Variants in NELL1 observed in about 807,000 individuals in gnomAD.
NELL1 encodes the protein neural EGFL like 1.
A neutral mutation model predicts 107.4 loss-of-function variants in NELL1; 76 were observed. That is an observed-to-expected ratio of 0.71 (90% CI 0.59 to 0.86). The LOEUF (loss-of-function observed/expected upper bound fraction) is 0.86, where lower values mean the gene tolerates loss of function less well. NELL1 is among the 40% of genes least tolerant of loss of function. The probability of loss-of-function intolerance (pLI) is 0.00; values close to 1 mark genes in which losing one functional copy is unlikely to be tolerated. For synonymous variants in NELL1, 353 were observed against 341.2 expected (o/e 1.03, Z -0.38); for missense variants, 1,024 against 1,005.5 (o/e 1.02, Z -0.25).
chr11:21,149,933 C>T lies in NELL1; in HGVS notation c.1426+36219C>T, dbSNP rs1014523027. Among the ~76,000 whole-genome samples the T allele has an allele frequency of 1.1e-4, 17 of 152,020 alleles. 1 individual carries two copies. The highest frequency in any genetic ancestry group is 2.9e-5 in the Non-Finnish European group (2 of 68,000). ...CAAAACAGAGTGAAGCTGTAAATAA[C>T]TAGGGTTAGGGAGGGACCATATTAG... On this transcript the variant is annotated intron_variant, in intron 13 of 19. Coordinates refer to ENST00000357134, the MANE Select transcript of NELL1 (RefSeq NM_006157.5).
chr11:21,369,560 C>T (rs1270784595), intron 14 of NELL1, among the ~76,000 whole-genome samples: 3 of 151,722 alleles, frequency 2.0e-5, no homozygotes, highest in African/African-American at 4.8e-5. Context: ...AGGGGTTCTA[C>T]GTATTTGGAA....
intron 5 of NELL1, among the ~76,000 whole-genome samples, chr11:20,903,128 G>A (rs1849914615): frequency 1.3e-5 from 2 of 152,066 alleles, no homozygotes; most frequent in South Asian, 4.1e-4. Flanking sequence ...TACTTTTTCA[G>A]GGTGATAATC....
intron 12 of NELL1, among the ~76,000 whole-genome samples, chr11:21,038,846 AGCAT>A (rs1415591254): frequency 1.3e-5 from 2 of 152,222 alleles, no homozygotes; most frequent in Non-Finnish European, 2.9e-5. Context: ...TATGTCACTA[AGCAT>A]GCTGTTTATT....
intron 13 of NELL1, among the ~76,000 whole-genome samples, chr11:21,125,224 G>A (rs1160550857): frequency 6.6e-6 from 1 of 152,106 alleles, no homozygotes; most frequent in African/African-American, 2.4e-5. Context: ...GAGATACTAA[G>A]GGGAGCCTGA....
At chr11:21,422,926 G>A (rs1852723000) in intron 15 of NELL1, among the ~76,000 whole-genome samples, 1 of 152,094 alleles carries the variant, frequency 6.6e-6, no homozygotes, top group Admixed American at 6.6e-5. Context: ...ACATGATCCA[G>A]CTATGCACTG....
intron 14 of NELL1, among the ~76,000 whole-genome samples, chr11:21,275,638 G>A (rs1171145284): frequency 1.3e-5 from 2 of 152,306 alleles, no homozygotes; most frequent in East Asian, 3.9e-4. Context: ...GAACATCAAT[G>A]CAAAAATCCT....
chr11:21,086,431 T>G (rs1854393244), intron 12 of NELL1, among the ~76,000 whole-genome samples: 1 of 152,152 alleles, frequency 6.6e-6, no homozygotes, highest in African/African-American at 2.4e-5. Context: ...TCTTTACGTG[T>G]GGGGTAGGTA....
chr11:20,773,681 A>G (rs964350514), intron 2 of NELL1: 1 of 151,922 alleles, frequency 6.6e-6, no homozygotes, highest in Admixed American at 6.6e-5. Context: ...TATTTTTAGT[A>G]GAGATGGGGT....
chr11:21,412,630 C>T (rs4471415), intron 15 of NELL1, among the ~76,000 whole-genome samples: 150,433 of 152,248 alleles, frequency 0.99, 74,342 homozygotes, highest in East Asian at 1. Context: ...AGTGTGTCTA[C>T]GGAACATGAA....
chr11:20,786,511 CA>C (rs1230774477), intron 3 of NELL1, among the ~76,000 whole-genome samples: 2 of 152,002 alleles, frequency 1.3e-5, no homozygotes, highest in East Asian at 3.9e-4. Context: ...TTATCTGAGT[CA>C]CAAGACACCA....
At chr11:20,683,813 C>T (rs2133857015) in intron 2 of NELL1, among the ~76,000 whole-genome samples, 1 of 151,880 alleles carries the variant, frequency 6.6e-6, no homozygotes, top group Non-Finnish European at 1.5e-5. Flanking sequence ...ATATTGTTTC[C>T]AACAAGAAGT....
intron 2 of NELL1, among the ~76,000 whole-genome samples, chr11:20,716,782 TC>T (rs1490881481): frequency 2.0e-5 from 3 of 152,244 alleles, no homozygotes; most frequent in Non-Finnish European, 4.4e-5. Flanking sequence ...AGTGTCTATT[TC>T]ATAGTATTGT....
rs541513072 is a variant in NELL1 at position 20,820,948 on chromosome 11, C to G, written c.336-26635C>G. ...TCTCTTTTCTGTTAGATAAACAACT[C>G]AAGTGCAGAAACTTTATTTGGCTTG... On this transcript the variant is annotated intron_variant, in intron 3 of 19. Coordinates refer to ENST00000357134, the MANE Select transcript of NELL1 (RefSeq NM_006157.5). Among the ~76,000 whole-genome samples the G allele has an allele frequency of 1.1e-4, 16 of 152,324 alleles. No individual in the cohort carries two copies. In the South Asian group the frequency reaches 3.3e-3, roughly 32 times the overall value.
chr11:21,135,040 T>C, intron 13 of NELL1, among the ~76,000 whole-genome samples: 1 of 152,310 alleles, frequency 6.6e-6, no homozygotes, highest in Middle Eastern at 3.4e-3. Context: ...GTTACTATTA[T>C]TATAATTTCT....
At chr11:21,120,560 A>G (rs113528977) in intron 13 of NELL1, among the ~76,000 whole-genome samples, 37 of 152,216 alleles carry the variant, frequency 2.4e-4, no homozygotes, top group African/African-American at 8.9e-4. Context: ...GCTGTGTGGC[A>G]GCATTAAGGG....
intron 13 of NELL1, among the ~76,000 whole-genome samples, chr11:21,172,310 GCA>G (rs1403546033): frequency 6.6e-6 from 1 of 151,848 alleles, no homozygotes; most frequent in Non-Finnish European, 1.5e-5. Flanking sequence ...AAGCTTGTTA[GCA>G]CAGAGTGGTT....
At chr11:21,556,981 C>G (rs1316019232) in intron 16 of NELL1, among the ~76,000 whole-genome samples, 7 of 151,856 alleles carry the variant, frequency 4.6e-5, no homozygotes, top group Admixed American at 4.6e-4. Flanking sequence ...GGGTGAATAA[C>G]TTTGTGTTTG....
At chr11:21,229,947 A>T (rs1857999498) in intron 14 of NELL1, among the ~76,000 whole-genome samples, 1 of 152,156 alleles carries the variant, frequency 6.6e-6, no homozygotes, top group Non-Finnish European at 1.5e-5. Flanking sequence ...CTTCTGGCTT[A>T]TGAGGGCATT....
At chr11:20,723,732 T>TGG (rs35926954) in intron 2 of NELL1, among the ~76,000 whole-genome samples, 10,216 of 150,560 alleles carry the variant, frequency 0.068, 1,174 homozygotes, top group African/African-American at 0.24. Flanking sequence ...GGGGACTCTG[T>TGG]GGGGGGGGGC....
Sources: allele counts gnomAD v4.1 joint callset (sites outside exome capture counted in the v4.1 genomes callset), GRCh38; gene constraint gnomAD v4.1.1; transcripts MANE v1.5; gene names NCBI Gene and HGNC (gene_info 2026-07-23, HGNC 2026-07-21).